C4orf50: variants seen among roughly 807,000 people sequenced by gnomAD.
C4orf50 encodes the protein chromosome 4 open reading frame 50.
C4orf50 carries 80 observed loss-of-function variants against 77.2 expected under a neutral mutation model. The ratio of observed to expected loss-of-function variants is 1.04; its 90% confidence interval spans 0.87 to 1.25. The LOEUF (loss-of-function observed/expected upper bound fraction) is 1.25, where lower values mean the gene tolerates loss of function less well. Among genes scored for constraint, C4orf50 ranks in the 50% most tolerant of loss-of-function variants. C4orf50 has a pLI of 0.00. For synonymous variants in C4orf50, 532 were observed against 465.3 expected (o/e 1.14, Z -1.84); for missense variants, 1,257 against 1,152.9 (o/e 1.09, Z -1.31).
At chr4:5,963,199 A>C (rs965478600) in intron 33 of C4orf50, among the ~76,000 whole-genome samples, 2 of 151,918 alleles carry the variant, frequency 1.3e-5, no homozygotes, top group Admixed American at 6.6e-5. Context: ...GGGTTTCACC[A>C]TGTTGGCCAG....
At position 5,900,547 on chromosome 4, in the gene C4orf50, A is replaced by G. The variant is rs6446405; in HGVS notation, c.*2475-2359T>C. On this transcript the variant is annotated intron_variant, in intron 7 of 7. Transcript: ENST00000324058. The surrounding 1 kb of genome is among the most constrained non-coding windows in gnomAD (Gnocchi z 4.3). ...AGAATTCCTTAAACTAACATCTATC[A>G]CTAGATGATGCCATATAGATTGCAA... The G allele has an allele frequency of 0.59, 89,524 of 152,084 alleles. 26,861 individuals carry two copies. Among genetic ancestry groups the G allele is most frequent in the East Asian group, 0.8 (4,161 of 5,172 alleles). The allele number at this position is 152,084 out of a possible 1,614,324, so 9.4% of individuals were successfully genotyped here. A position where few individuals can be genotyped will look rare whatever the true frequency, so the allele number is the denominator to read the frequency against.
At chr4:5,942,763 A>G (rs926923297) in intron 7 of C4orf50, among the ~76,000 whole-genome samples, 1 of 152,176 alleles carries the variant, frequency 6.6e-6, no homozygotes, top group Non-Finnish European at 1.5e-5. Context: ...CTTAACCAAC[A>G]TGCTATCCTG....
chr4:5,952,893 A>G (rs1174091920), downstream of C4orf50, among the ~76,000 whole-genome samples: 2 of 152,154 alleles, frequency 1.3e-5, no homozygotes, highest in Admixed American at 1.3e-4. This position sits in a 1 kb window ranked among gnomAD's most constrained non-coding sequence, Gnocchi z 4.4. Context: ...CTCCACTTGA[A>G]TTCCCTATCG....
At chr4:5,952,928 A>T (rs1404547214), downstream of C4orf50, among the ~76,000 whole-genome samples, 1 of 152,170 alleles carries the variant, frequency 6.6e-6, no homozygotes, top group Non-Finnish European at 1.5e-5. The surrounding 1 kb of genome is among the most constrained non-coding windows in gnomAD (Gnocchi z 4.4). Context: ...GCCTAGAAAT[A>T]TTTTATGCCA....
At chr4:5,964,295 A>G (rs926163858) in intron 33 of C4orf50, among the ~76,000 whole-genome samples, 1 of 151,680 alleles carries the variant, frequency 6.6e-6, no homozygotes, top group Non-Finnish European at 1.5e-5. Context: ...CCTAGGAGTG[A>G]GTGTGAACCA....
intron 7 of C4orf50, among the ~76,000 whole-genome samples, chr4:5,945,050 C>G (rs6828606): frequency 0.72 from 109,797 of 151,932 alleles, 40,820 homozygotes; most frequent in Non-Finnish European, 0.77. Flanking sequence ...CCTGTCCCCA[C>G]ATTTCCAAAA....
intron 28 of C4orf50, among the ~76,000 whole-genome samples, chr4:5,987,792 GTT>G (rs1282112459): frequency 1.3e-5 from 2 of 152,174 alleles, no homozygotes; most frequent in East Asian, 3.9e-4. Context: ...CATTATGAGT[GTT>G]TTATCCCAAG....
chr4:5,965,476 A>G (rs1366361909), intron 32 of C4orf50, among the ~76,000 whole-genome samples: 2 of 152,256 alleles, frequency 1.3e-5, no homozygotes, highest in African/African-American at 2.4e-5. Context: ...AGCAACACCT[A>G]TGTGGGATCT....
At chr4:5,973,176 G>A (rs987567129) in intron 31 of C4orf50, among the ~76,000 whole-genome samples, 4 of 152,274 alleles carry the variant, frequency 2.6e-5, no homozygotes, top group South Asian at 2.1e-4. Flanking sequence ...GCCCCGTCAC[G>A]CGGGGCCACG....
rs189863982 is a variant in C4orf50 at position 5,935,300 on chromosome 4, C to T, written c.*2474+21601G>A. Reference sequence around the variant, plus strand: ...GAACTGAGCCAAGGTCCTTGGAGGGCTACGCCCCCAGTAACAGGGGGAATT... The same window carrying T: ...GAACTGAGCCAAGGTCCTTGGAGGGTTACGCCCCCAGTAACAGGGGGAATT... On this transcript the variant is annotated intron_variant, in intron 7 of 7. Coordinates refer to the C4orf50 transcript ENST00000324058. Among the ~76,000 whole-genome samples the T allele has an allele frequency of 5.7e-3, 863 of 152,292 alleles. 3 individuals are homozygous for T. Among genetic ancestry groups the T allele is most frequent in the Non-Finnish European group, 0.01 (698 of 68,018 alleles).
At chr4:5,982,295 G>A (rs1720632917) in intron 28 of C4orf50, among the ~76,000 whole-genome samples, 1 of 152,164 alleles carries the variant, frequency 6.6e-6, no homozygotes, top group South Asian at 2.1e-4. Flanking sequence ...GAATGGCTGT[G>A]CGGTGGGGGG....
exon 28 of C4orf50, chr4:5,989,979 G>A (rs961185058): frequency 1.8e-5 from 25 of 1,408,646 alleles, no homozygotes; most frequent in Admixed American, 2.9e-5. Flanking sequence ...CTTTCCCTGC[G>A]AGGAGCTGAC....
downstream of C4orf50, among the ~76,000 whole-genome samples, chr4:5,953,834 G>A (rs2108758067): frequency 6.6e-6 from 1 of 152,352 alleles, no homozygotes; most frequent in Middle Eastern, 3.4e-3. Flanking sequence ...ATTGCAAAAA[G>A]ATGCCCGTTC....
chr4:5,990,086 C>T (rs1170176839), exon 28 of C4orf50: 7 of 1,314,612 alleles, frequency 5.3e-6, no homozygotes, highest in African/African-American at 1.5e-5. Flanking sequence ...CCTCGGAGAC[C>T]CCAGACGTAT....
chr4:5,907,925 A>G (rs6414625), intron 7 of C4orf50, among the ~76,000 whole-genome samples: 142,390 of 152,258 alleles, frequency 0.94, 66,773 homozygotes, highest in East Asian at 1. Flanking sequence ...AGAGGAGAGT[A>G]CTCTGCATGG....
At chr4:5,907,608 G>A (rs1716611793) in intron 7 of C4orf50, among the ~76,000 whole-genome samples, 2 of 152,222 alleles carry the variant, frequency 1.3e-5, no homozygotes, top group Admixed American at 1.3e-4. Flanking sequence ...TAAATTGAAA[G>A]GCAGATCTGA....
chr4:5,998,277 TTTA>T (rs1257467389), intron 25 of C4orf50, among the ~76,000 whole-genome samples: 2 of 152,228 alleles, frequency 1.3e-5, no homozygotes, highest in East Asian at 1.9e-4. Flanking sequence ...TCCATATTTT[TTTA>T]TTAAGACCAC....
At chr4:5,909,235 A>G (rs890890129) in intron 7 of C4orf50, among the ~76,000 whole-genome samples, 1 of 151,928 alleles carries the variant, frequency 6.6e-6, no homozygotes, top group Non-Finnish European at 1.5e-5. Flanking sequence ...GGACCACATG[A>G]CCTCCTTGCA....
At chr4:5,974,552 C>A (rs957544009) in intron 30 of C4orf50, among the ~76,000 whole-genome samples, 1 of 152,166 alleles carries the variant, frequency 6.6e-6, no homozygotes, top group African/African-American at 2.4e-5. Context: ...ACTGAGGCCC[C>A]AGAGGGAGGA....
Sources: gnomAD v4.1 joint callset for allele counts (sites outside exome capture counted in the v4.1 genomes callset) on GRCh38, gnomAD v4.1.1 for gene constraint, Gnocchi (gnomAD v3.1) non-coding constraint, MANE v1.5 for transcripts, NCBI Gene and HGNC (gene_info 2026-07-23, HGNC 2026-07-21) for gene names.